The following NEDD9 variants were observed in gnomAD, a reference collection of about 807,000 sequenced individuals.
NEDD9 encodes the protein enhancer of filamentation 1.
In NEDD9, 26 loss-of-function variants were observed where a neutral mutation model predicts 76.6. That is an observed-to-expected ratio of 0.34 (90% CI 0.25 to 0.47). NEDD9 has a LOEUF of 0.47. Ranked by LOEUF, NEDD9 falls within the 20% of genes least tolerant of loss-of-function variation. NEDD9 has a pLI of 1.00. For missense variants in NEDD9, 937 were observed against 1,058.5 expected (o/e 0.89, Z 1.59); for synonymous variants, 392 against 414.2 (o/e 0.95, Z 0.65).
At chr6:11,211,661 T>C (rs3798742) in intron 2 of NEDD9, among the ~76,000 whole-genome samples, 36,149 of 152,212 alleles carry the variant, frequency 0.24, 5,311 homozygotes, top group South Asian at 0.45. Flanking sequence ...AAGCCACAAG[T>C]CAGTTTATCA....
intron 1 of NEDD9, among the ~76,000 whole-genome samples, chr6:11,230,923 C>T (rs955026420): frequency 9.9e-5 from 15 of 152,200 alleles, no homozygotes; most frequent in South Asian, 2.1e-4. Context: ...TTGTCGCTTT[C>T]GTCACTTTCT....
At chr6:11,374,665 T>C (rs1762943486) in intron 1 of NEDD9, among the ~76,000 whole-genome samples, 1 of 152,224 alleles carries the variant, frequency 6.6e-6, no homozygotes, top group Non-Finnish European at 1.5e-5. Flanking sequence ...AATAGGAAGC[T>C]TATAGATGAG....
chr6:11,287,194 A>T (rs189758782), intron 3 of NEDD9, among the ~76,000 whole-genome samples: 238 of 152,340 alleles, frequency 1.6e-3, no homozygotes, highest in African/African-American at 5.5e-3. Context: ...TGGGAGGCCC[A>T]GGCAGGCGGA....
intron 2 of NEDD9, among the ~76,000 whole-genome samples, chr6:11,204,026 T>A (rs541040551): frequency 1.3e-4 from 19 of 151,940 alleles, no homozygotes; most frequent in African/African-American, 4.6e-4. Flanking sequence ...ACTGTTAAAG[T>A]GATTCTGAGA....
Position 11,183,744 on chromosome 6 carries a change from T to G in NEDD9, c.*1418A>C, listed in dbSNP as rs1375111694. ...TTTAAAACAAGCAAGCTTAATTCAG[T>G]CAGGCATATATTGCAAATAAAAACA... On this transcript the variant is annotated 3_prime_UTR_variant, in exon 7 of 7. Coordinates refer to ENST00000379446, the MANE Select transcript of NEDD9 (RefSeq NM_006403.4). 6.6e-6 allele frequency: 1 copy of G among 152,234 alleles called. No homozygotes were observed. The highest frequency in any genetic ancestry group is 2.4e-5 in the African/African-American group (1 of 41,458). 9.4% of individuals were successfully genotyped at this position (152,234 alleles called of 1,614,324 possible).
chr6:11,341,330 G>A (rs1762268970), intron 1 of NEDD9, among the ~76,000 whole-genome samples: 1 of 152,190 alleles, frequency 6.6e-6, no homozygotes, highest in Non-Finnish European at 1.5e-5. Context: ...CAGAGCACAG[G>A]ACTCTTGCTG....
intron 1 of NEDD9, among the ~76,000 whole-genome samples, chr6:11,381,302 G>A (rs978949882): frequency 7.9e-5 from 12 of 152,214 alleles, no homozygotes; most frequent in Non-Finnish European, 1.6e-4. Flanking sequence ...AATGACTAGA[G>A]CGCCTACTCT....
At chr6:11,328,350 C>G (rs1310506360) in intron 2 of NEDD9, among the ~76,000 whole-genome samples, 4 of 152,218 alleles carry the variant, frequency 2.6e-5, no homozygotes, top group Non-Finnish European at 5.9e-5. Flanking sequence ...TCATACATAT[C>G]AGGAATTACT....
chr6:11,351,629 G>C (rs1314579097), intron 1 of NEDD9, among the ~76,000 whole-genome samples: 1 of 152,148 alleles, frequency 6.6e-6, no homozygotes, highest in Non-Finnish European at 1.5e-5. Flanking sequence ...ACACAGAGGA[G>C]AATCTGAGCC....
At chr6:11,365,802 C>T (rs527641336) in intron 1 of NEDD9, among the ~76,000 whole-genome samples, 17 of 150,876 alleles carry the variant, frequency 1.1e-4, no homozygotes, top group South Asian at 6.3e-4. Context: ...ACTAGCCTGG[C>T]CAACATGGTG....
intron 2 of NEDD9, among the ~76,000 whole-genome samples, chr6:11,331,534 G>C (rs77222703): frequency 6.6e-6 from 1 of 151,974 alleles, no homozygotes; most frequent in Non-Finnish European, 1.5e-5. Context: ...AAAATAAAAG[G>C]GTTCAAAAAA....
At chr6:11,249,310 TTTC>T (rs1759868734) in intron 3 of NEDD9, 5 of 393,162 alleles carry the variant, frequency 1.3e-5, no homozygotes, top group Non-Finnish European at 2.5e-5. Flanking sequence ...AGAAGTTAAT[TTTC>T]TTCTTATTTG....
At chr6:11,305,881 G>A in intron 3 of NEDD9, 1 of 1,289,902 alleles carries the variant, frequency 7.8e-7, no homozygotes, top group Non-Finnish European at 1.1e-6. Flanking sequence ...GTTAGTTGCA[G>A]GCCCGTATGA....
intron 2 of NEDD9, among the ~76,000 whole-genome samples, chr6:11,308,361 CTTTTTTTTTTTTT>C (rs933892327): frequency 1.8e-4 from 16 of 87,864 alleles, no homozygotes; most frequent in South Asian, 8.5e-4. Context: ...GATGGGACAT[CTTTTTTTTTTTTT>C]TTTTTTTTTT....
At chr6:11,243,500 G>A (rs1479812083) in intron 3 of NEDD9, among the ~76,000 whole-genome samples, 1 of 152,176 alleles carries the variant, frequency 6.6e-6, no homozygotes, top group Non-Finnish European at 1.5e-5. Flanking sequence ...ACATTTTGAG[G>A]AGTCCTGCTC....
intron 1 of NEDD9, among the ~76,000 whole-genome samples, chr6:11,340,466 T>A (rs1032729667): frequency 6.6e-6 from 1 of 152,212 alleles, no homozygotes; most frequent in Non-Finnish European, 1.5e-5. Context: ...ATTTAGAGAA[T>A]TTGACAGGAA....
At chr6:11,328,658 A>T (rs542316625) in intron 2 of NEDD9, 2 of 152,356 alleles carry the variant, frequency 1.3e-5, no homozygotes, top group South Asian at 4.1e-4. Flanking sequence ...AGCTAAAGCT[A>T]AAGGCCGGTG....
chr6:11,328,394 C>T (rs1376726118), intron 2 of NEDD9: 1 of 152,228 alleles, frequency 6.6e-6, no homozygotes, highest in Non-Finnish European at 1.5e-5. Flanking sequence ...TAATCCTGGA[C>T]AACTTCCTAT....
At chr6:11,226,972 G>T (rs1759325846) in intron 1 of NEDD9, among the ~76,000 whole-genome samples, 1 of 152,110 alleles carries the variant, frequency 6.6e-6, no homozygotes, top group South Asian at 2.1e-4. Flanking sequence ...CTGAAACAAA[G>T]CCCATGTTTT....
Sources: gnomAD v4.1 joint callset for allele counts (sites outside exome capture counted in the v4.1 genomes callset) on GRCh38, gnomAD v4.1.1 for gene constraint, MANE v1.5 for transcripts, NCBI Gene and HGNC (gene_info 2026-07-23, HGNC 2026-07-21) for gene names.